The following ATG16L1 variants were observed in gnomAD, a reference collection of about 807,000 sequenced individuals.
ATG16L1 encodes autophagy-related protein 16-1.
A neutral mutation model predicts 88.5 loss-of-function variants in ATG16L1; 37 were observed. The observed-to-expected ratio is 0.42, with a 90% CI of 0.32 to 0.55. ATG16L1 has a LOEUF of 0.55. Among genes scored for constraint, ATG16L1 ranks in the 20% least tolerant of loss-of-function variants. The pLI, the probability that ATG16L1 is intolerant of heterozygous loss-of-function variation, is 0.13. For synonymous variants in ATG16L1, 301 were observed against 281.0 expected (o/e 1.07, Z -0.71); for missense variants, 554 against 752.8 (o/e 0.74, Z 3.09).
At chr2:233,287,952 G>A (rs770318065) in intron 12 of ATG16L1, among the ~76,000 whole-genome samples, 1 of 152,160 alleles carries the variant, frequency 6.6e-6, no homozygotes, top group Non-Finnish European at 1.5e-5. Context: ...TGTGCAGAGT[G>A]GATGTTTTAT....
At chr2:233,290,472 A>G in intron 14 of ATG16L1, 119 bp downstream of exon 14, 2 of 784,084 alleles carry the variant, frequency 2.6e-6, no homozygotes, top group South Asian at 3.1e-5. Context: ...GTACACGTAT[A>G]GTGTTAGCTT....
chr2:233,283,360 T>C (rs181965291), intron 12 of ATG16L1, among the ~76,000 whole-genome samples: 190 of 151,892 alleles, frequency 1.3e-3, no homozygotes, highest in South Asian at 3.5e-3. Flanking sequence ...ACATTTTTTT[T>C]CCCCATAAGC....
chr2:233,262,432 G>A (rs139360387), intron 2 of ATG16L1, among the ~76,000 whole-genome samples: 2 of 152,270 alleles, frequency 1.3e-5, no homozygotes, highest in Non-Finnish European at 2.9e-5. Flanking sequence ...CCTCGGAGGT[G>A]CCCACAAGGC....
intron 8 of ATG16L1, chr2:233,274,106 C>T: frequency 7.0e-7 from 1 of 1,433,538 alleles, no homozygotes; most frequent in Non-Finnish European, 9.6e-7. Context: ...ATGCCAATCA[C>T]CGCTTCACTG....
At chr2:233,253,367 CAG>C (rs1470064758) in intron 1 of ATG16L1, among the ~76,000 whole-genome samples, 23 of 91,098 alleles carry the variant, frequency 2.5e-4, no homozygotes, top group South Asian at 2.1e-3. Context: ...TTTTTGGAGA[CAG>C]AGTCTTGCTC....
chr2:233,291,781 A>G (rs771027862), intron 14 of ATG16L1, among the ~76,000 whole-genome samples: 2 of 152,238 alleles, frequency 1.3e-5, no homozygotes, highest in Non-Finnish European at 2.9e-5. Context: ...TTCTTTGCCA[A>G]CTTTATCCAA....
At chr2:233,258,102 A>G (rs1696943936) in intron 2 of ATG16L1, among the ~76,000 whole-genome samples, 1 of 151,718 alleles carries the variant, frequency 6.6e-6, no homozygotes, top group Admixed American at 6.6e-5. Flanking sequence ...ATATTTGTTC[A>G]TGGCGGGGTA....
intron 1 of ATG16L1, among the ~76,000 whole-genome samples, chr2:233,254,113 C>G (rs1045029895): frequency 2.6e-5 from 4 of 151,760 alleles, no homozygotes; most frequent in African/African-American, 9.7e-5. Flanking sequence ...AATTGTAAAG[C>G]GTTATCTCTT....
At chr2:233,271,764 A>C (rs3828309) in intron 6 of ATG16L1, among the ~76,000 whole-genome samples, 1 of 152,070 alleles carries the variant, frequency 6.6e-6, no homozygotes, top group South Asian at 2.1e-4. Context: ...GGCTCAGCTC[A>C]TATTTGCAGT....
chr2:233,251,703 AGT>A lies in ATG16L1; in HGVS notation c.-119_-118del. 1.2e-6 allele frequency: 1 copy of A among 819,522 alleles called. No homozygotes were observed. Among genetic ancestry groups the A allele is most frequent in the Non-Finnish European group, 2.0e-6 (1 of 504,574 alleles). The allele number at this position is 819,522 out of a possible 1,614,324, so 50.8% of individuals were successfully genotyped here. ...GTCCCGGATGGCCTCGGGGACTGCC[AGT>A]GTGTGGAGGTGAGCTCCGGGATTGC... is the stretch of plus-strand genomic sequence containing the variant. On this transcript the variant is annotated 5_prime_UTR_variant, in exon 1 of 18. An upstream open reading frame in the 5' UTR loses its in-frame stop. Transcript: ENST00000392017.
chr2:233,266,930 TCTC>T (rs1046447509), intron 5 of ATG16L1, among the ~76,000 whole-genome samples: 2 of 152,152 alleles, frequency 1.3e-5, no homozygotes, highest in Non-Finnish European at 2.9e-5. Context: ...AGAAAAATGT[TCTC>T]CTAGAGATAC....
chr2:233,274,314 T>C (rs186232048), intron 8 of ATG16L1: 1 of 482,148 alleles, frequency 2.1e-6, no homozygotes, highest in Admixed American at 3.6e-5. Flanking sequence ...AGAAATAAAA[T>C]AGTTTTGCAA....
chr2:233,267,462 T>TTA (rs1553605073), intron 5 of ATG16L1, among the ~76,000 whole-genome samples: 2 of 152,034 alleles, frequency 1.3e-5, no homozygotes, highest in African/African-American at 2.4e-5. Flanking sequence ...TATACTTTTT[T>TTA]AAAAAAATGA....
At position 233,273,030 on chromosome 2, in the gene ATG16L1, C is replaced by T. The variant is rs778077920; in HGVS notation, c.772C>T (p.Arg258Ter). The T allele has an allele frequency of 6.2e-7, 1 of 1,613,796 alleles. No homozygotes were observed. Among genetic ancestry groups the T allele is most frequent in the Non-Finnish European group, 8.5e-7 (1 of 1,179,748 alleles). Residue 258 changes from arginine to a stop codon, truncating the protein, a stop_gained, in exon 7 of 18, where the codon CGA becomes TGA. Coordinates refer to ENST00000392017, the MANE Select transcript of ATG16L1 (RefSeq NM_030803.7). LOFTEE classifies it high-confidence loss of function. Reference sequence around the variant, plus strand: ...TCACACAGAAGAGACCTCTCCTGTGCGAGCCATCAGCAGAGCAGCCACGTA... The same window carrying T: ...TCACACAGAAGAGACCTCTCCTGTGTGAGCCATCAGCAGAGCAGCCACGTA... ...SDHTEETSPVRAISRAATKRL... is the reference protein window; with the variant it reads ...SDHTEETSPV
chr2:233,252,024 G>A, intron 1 of ATG16L1, 82 bp downstream of exon 1: 1 of 1,225,936 alleles, frequency 8.2e-7, no homozygotes, highest in Non-Finnish European at 1.1e-6. Context: ...ACCTGAGGCC[G>A]AGTCCCTGGC....
At chr2:233,284,970 A>T (rs1319201153) in intron 12 of ATG16L1, among the ~76,000 whole-genome samples, 1 of 152,258 alleles carries the variant, frequency 6.6e-6, no homozygotes, top group Non-Finnish European at 1.5e-5. Context: ...AGCCCTGACG[A>T]TGACAAGGAC....
intron 12 of ATG16L1, among the ~76,000 whole-genome samples, chr2:233,286,741 TCAGCCTCCCGAGTAGCTGGGACTA>T (rs1699115313): frequency 6.7e-6 from 1 of 149,600 alleles, no homozygotes; most frequent in Non-Finnish European, 1.5e-5. Flanking sequence ...TTCTCCTGCC[TCAGCCTCCCGAGTAGCTGGGACTA>T]CAGGCGCCCG....
At chr2:233,270,460 A>G (rs546990858) in intron 6 of ATG16L1, among the ~76,000 whole-genome samples, 2 of 152,278 alleles carry the variant, frequency 1.3e-5, no homozygotes, top group East Asian at 1.9e-4. Context: ...AGCTTTTGGA[A>G]CATCACCAAA....
At chr2:233,253,782 G>C (rs925473771) in intron 1 of ATG16L1, among the ~76,000 whole-genome samples, 7 of 152,186 alleles carry the variant, frequency 4.6e-5, no homozygotes, top group Admixed American at 3.3e-4. Context: ...ATGCTTTGCT[G>C]TTCTAGGAGG....
Sources: gnomAD v4.1 joint callset for allele counts (sites outside exome capture counted in the v4.1 genomes callset) on GRCh38, gnomAD v4.1.1 for gene constraint, MANE v1.5 for transcripts, NCBI Gene and HGNC (gene_info 2026-07-23, HGNC 2026-07-21) for gene names.